CCSER1: variants seen among roughly 807,000 people sequenced by gnomAD.
The protein encoded by CCSER1 is coiled-coil serine rich protein 1.
A neutral mutation model predicts 82.0 loss-of-function variants in CCSER1; 41 were observed. The ratio of observed to expected loss-of-function variants is 0.50; its 90% CI spans 0.39 to 0.65. The LOEUF is 0.65. Ranked by LOEUF, CCSER1 falls within the 30% of genes least tolerant of loss-of-function variation. The probability of loss-of-function intolerance (pLI) is 0.00; values close to 1 mark genes in which losing one functional copy is unlikely to be tolerated. For missense variants in CCSER1, 1,119 were observed against 1,064.2 expected, an observed-to-expected ratio of 1.05 and a Z score of -0.72; for synonymous variants, 414 against 383.9, an observed-to-expected ratio of 1.08 and a Z score of -0.92.
At chr4:91,022,407 C>G (rs1011572608) in intron 9 of CCSER1, among the ~76,000 whole-genome samples, 7 of 152,016 alleles carry the variant, frequency 4.6e-5, no homozygotes, top group African/African-American at 7.3e-5. Context: ...TCCAGTCTAC[C>G]ATTGTTGGAC....
At chr4:90,370,343 G>A (rs923743166) in intron 3 of CCSER1, 3 of 151,994 alleles carry the variant, frequency 2.0e-5, no homozygotes, top group African/African-American at 7.2e-5. Context: ...GAACTTCTAA[G>A]TATGCTATGG....
At chr4:90,686,885 C>T (rs1313420493) in intron 6 of CCSER1, among the ~76,000 whole-genome samples, 1 of 152,078 alleles carries the variant, frequency 6.6e-6, no homozygotes, top group Admixed American at 6.6e-5. Flanking sequence ...GTGACATATT[C>T]GGCATCAGGA....
At position 91,566,645 on chromosome 4, in the gene CCSER1, ATC is replaced by A. The variant is rs566561754; in HGVS notation, c.2218-31923_2218-31922del. 4.8e-3 allele frequency among the ~76,000 whole-genome samples: 728 copies of A among 152,072 alleles called. 4 individuals carry two copies. Among genetic ancestry groups the A allele is most frequent in the Non-Finnish European group, 6.7e-3 (458 of 67,980 alleles). On this transcript the variant is annotated intron_variant, in intron 10 of 10. Transcript: ENST00000509176. The stretch of plus-strand genomic sequence containing the variant: ...GATGTATATGTCCAGGAATTTATCC[ATC>A]TCTTCTAGATTTTCTAGTTTGTGTG...
intron 1 of CCSER1, among the ~76,000 whole-genome samples, chr4:90,130,684 C>T (rs1315615326): frequency 6.6e-6 from 1 of 152,052 alleles, no homozygotes; most frequent in South Asian, 2.1e-4. Flanking sequence ...ATTTCAGTGG[C>T]GCTACCTCGG....
intron 9 of CCSER1, among the ~76,000 whole-genome samples, chr4:91,026,597 T>C (rs1018555264): frequency 6.6e-5 from 10 of 152,212 alleles, no homozygotes; most frequent in African/African-American, 2.4e-4. Context: ...TCCAAATCCA[T>C]GAGGACTTTT....
chr4:91,469,937 G>T (rs1329023136), intron 10 of CCSER1, among the ~76,000 whole-genome samples: 1 of 152,082 alleles, frequency 6.6e-6, no homozygotes, highest in East Asian at 1.9e-4. Flanking sequence ...AACTCCATTT[G>T]CTTTGCTCAT....
At chr4:90,339,148 C>T (rs1740928595) in intron 3 of CCSER1, among the ~76,000 whole-genome samples, 1 of 152,110 alleles carries the variant, frequency 6.6e-6, no homozygotes, top group African/African-American at 2.4e-5. Context: ...CCAACTTTCC[C>T]CGTTACTCAT....
intron 6 of CCSER1, among the ~76,000 whole-genome samples, chr4:90,633,648 A>G (rs1434178636): frequency 6.6e-6 from 1 of 152,006 alleles, no homozygotes; most frequent in African/African-American, 2.4e-5. Context: ...AAGGATAACT[A>G]TAAATCATTA....
chr4:90,562,681 G>T (rs1474164580), intron 5 of CCSER1, among the ~76,000 whole-genome samples: 1 of 151,774 alleles, frequency 6.6e-6, no homozygotes, highest in Admixed American at 6.6e-5. Context: ...GGGACTACAG[G>T]TGTGTGCCAC....
At chr4:90,887,917 A>G (rs1261771897) in intron 8 of CCSER1, among the ~76,000 whole-genome samples, 2 of 152,080 alleles carry the variant, frequency 1.3e-5, no homozygotes, top group African/African-American at 4.8e-5. Context: ...CAAAAACACA[A>G]TAATTAGAAA....
At chr4:90,641,958 C>T (rs985371619) in intron 6 of CCSER1, 10 of 344,740 alleles carry the variant, frequency 2.9e-5, no homozygotes, top group Non-Finnish European at 5.2e-5. Flanking sequence ...ATGAATCCAG[C>T]ATTAATGTTT....
chr4:91,055,734 T>TCCCCTCTG (rs554566194), intron 9 of CCSER1, among the ~76,000 whole-genome samples: 4 of 150,422 alleles, frequency 2.7e-5, no homozygotes, highest in African/African-American at 7.3e-5. Context: ...TCTTTTCCCT[T>TCCCCTCTG]CCCCTCTGCC....
At chr4:90,490,390 T>G (rs1021368699) in intron 5 of CCSER1, among the ~76,000 whole-genome samples, 1 of 152,164 alleles carries the variant, frequency 6.6e-6, no homozygotes, top group African/African-American at 2.4e-5. Flanking sequence ...TCTTGTAAAT[T>G]TGTTTGAGTT....
intron 10 of CCSER1, among the ~76,000 whole-genome samples, chr4:91,338,775 A>T (rs1747494290): frequency 6.6e-6 from 1 of 152,190 alleles, no homozygotes; most frequent in African/African-American, 2.4e-5. Context: ...AAAATTTAAT[A>T]GCATATTTCC....
intron 8 of CCSER1, among the ~76,000 whole-genome samples, chr4:90,829,181 A>C (rs1760837379): frequency 6.6e-6 from 1 of 152,290 alleles, no homozygotes; most frequent in East Asian, 1.9e-4. Context: ...AGAAAAACTA[A>C]GGAAACAACG....
At chr4:90,305,769 G>A (rs764560755) in intron 1 of CCSER1, among the ~76,000 whole-genome samples, 9 of 152,138 alleles carry the variant, frequency 5.9e-5, no homozygotes, top group Non-Finnish European at 1.2e-4. Context: ...AACACAGTAT[G>A]GAGGTTCCTC....
At chr4:91,465,314 A>T (rs1756819570) in intron 10 of CCSER1, among the ~76,000 whole-genome samples, 1 of 152,218 alleles carries the variant, frequency 6.6e-6, no homozygotes, top group Admixed American at 6.5e-5. Context: ...CAATGGGAAC[A>T]AGGACACAAC....
chr4:91,366,234 T>C (rs962421876), intron 10 of CCSER1, among the ~76,000 whole-genome samples: 1 of 152,196 alleles, frequency 6.6e-6, no homozygotes, highest in Non-Finnish European at 1.5e-5. Context: ...TTAGCCAGGC[T>C]GGTCTCGAAC....
chr4:90,998,634 A>G (rs1017187746), intron 9 of CCSER1, among the ~76,000 whole-genome samples: 1 of 152,208 alleles, frequency 6.6e-6, no homozygotes, highest in African/African-American at 2.4e-5. Flanking sequence ...CTTAATATTT[A>G]TAAGCAATGT....
Sources: gnomAD v4.1 joint callset for allele counts (sites outside exome capture counted in the v4.1 genomes callset) on GRCh38, gnomAD v4.1.1 for gene constraint, MANE v1.5 for transcripts, NCBI Gene and HGNC (gene_info 2026-07-23, HGNC 2026-07-21) for gene names.